Variants in MAML3 observed in about 807,000 individuals in gnomAD.
The protein encoded by MAML3 is mastermind like transcriptional coactivator 3, also known as mastermind-like protein 3.
A neutral mutation model predicts 101.9 loss-of-function variants in MAML3; 27 were observed. The observed-to-expected ratio is 0.27, with a 90% CI of 0.20 to 0.37. The LOEUF (loss-of-function observed/expected upper bound fraction) is 0.37. Among genes scored for constraint, MAML3 ranks in the 10% least tolerant of loss-of-function variants. The pLI, the probability that MAML3 is intolerant of heterozygous loss-of-function variation, is 1.00. For synonymous variants in MAML3, 501 were observed against 555.9 expected (o/e 0.90, Z 1.39); for missense variants, 1,316 against 1,444.9 (o/e 0.91, Z 1.45).
chr4:139,850,107 C>G lies in MAML3; in HGVS notation c.2079+39250G>C, dbSNP rs372333276. Among the ~76,000 whole-genome samples, 17 of 152,184 alleles carry G rather than the reference C, an allele frequency of 1.1e-4. No individual in the cohort carries two copies. In the East Asian group the frequency reaches 2.7e-3, roughly 24 times the overall value. On this transcript the variant is annotated intron_variant, in intron 2 of 4. Coordinates refer to ENST00000509479, the MANE Select transcript of MAML3 (RefSeq NM_018717.5). ...TTATTCAATTCAGTATATTTCCCCC[C>G]CTACACCCTATGTATTTGTAGCCAG...
rs1728865588 is a variant in MAML3, at chr4:140,135,302, A to G, written c.468+17558T>C. 2.0e-5 allele frequency among the ~76,000 whole-genome samples: 3 copies of G among 152,214 alleles called. No homozygotes were observed. The South Asian group carries it at 6.2e-4, about 32-fold the overall frequency. On this transcript the variant is annotated intron_variant, in intron 1 of 4. Coordinates refer to ENST00000509479, the MANE Select transcript of MAML3 (RefSeq NM_018717.5). ...CTCTAGACACTTGCTGATTTTAGCTATTTAAGCCTTAAGAATAAAGATGTC... is the reference window on the plus strand; with the variant it reads ...CTCTAGACACTTGCTGATTTTAGCTGTTTAAGCCTTAAGAATAAAGATGTC...
intron 1 of MAML3, among the ~76,000 whole-genome samples, chr4:139,975,393 T>C (rs932203680): frequency 6.6e-6 from 1 of 152,116 alleles, no homozygotes; most frequent in Non-Finnish European, 1.5e-5. Context: ...GTATCTAAAA[T>C]TGCAGCCTAC....
intron 1 of MAML3, among the ~76,000 whole-genome samples, chr4:140,048,432 G>A (rs939980276): frequency 4.6e-5 from 7 of 152,208 alleles, no homozygotes; most frequent in African/African-American, 1.7e-4. Flanking sequence ...ACTGAAGAAA[G>A]TCTCCTTGTA....
chr4:139,729,770 G>A (rs1579368212), intron 3 of MAML3, among the ~76,000 whole-genome samples: 3 of 152,230 alleles, frequency 2.0e-5, no homozygotes, highest in Admixed American at 6.5e-5. Flanking sequence ...ATTATAGGGC[G>A]AGGGTGGACA....
chr4:140,060,371 A>AAAAAAAAAAAAAAAAAAAAAC, intron 1 of MAML3, among the ~76,000 whole-genome samples: 1 of 145,096 alleles, frequency 6.9e-6, no homozygotes, highest in Non-Finnish European at 1.5e-5. Flanking sequence ...GTCTCAAAAA[A>AAAAAAAAAAAAAAAAAAAAAC]AAAAAAAAAA....
intron 1 of MAML3, among the ~76,000 whole-genome samples, chr4:140,143,298 G>A (rs897650003): frequency 6.6e-6 from 1 of 152,206 alleles, no homozygotes; most frequent in Non-Finnish European, 1.5e-5. Context: ...TTGTGCACGA[G>A]TGAAATAAGC....
At chr4:140,004,696 G>A (rs1392437059) in intron 1 of MAML3, among the ~76,000 whole-genome samples, 1 of 151,912 alleles carries the variant, frequency 6.6e-6, no homozygotes, top group African/African-American at 2.4e-5. Context: ...CAGGAAAAAC[G>A]CAGCGCTCAC....
chr4:140,030,807 G>C (rs1204128321), intron 1 of MAML3, among the ~76,000 whole-genome samples: 1 of 152,180 alleles, frequency 6.6e-6, no homozygotes, highest in East Asian at 1.9e-4. Flanking sequence ...TAACAGAGGA[G>C]ACATTCTAAA....
chr4:139,919,718 A>G (rs532043179), intron 1 of MAML3, among the ~76,000 whole-genome samples: 2 of 152,328 alleles, frequency 1.3e-5, no homozygotes, highest in African/African-American at 2.4e-5. Context: ...GTTCAGCCCT[A>G]GAGGTCTAGT....
rs1728887063 is a variant in MAML3, at chr4:139,735,217, G to A, written c.2080-4550C>T. On this transcript the variant is annotated intron_variant, in intron 2 of 4. Transcript: ENST00000509479. This position sits in a 1 kb window ranked among gnomAD's most constrained non-coding sequence, Gnocchi z 5.8. ...GCACGGCGTGATGGACATCACACAC[G>A]ACAGCCTGAGACAATCCAGGAATTC... Among the ~76,000 whole-genome samples, 1 of 152,240 alleles carries A rather than the reference G, an allele frequency of 6.6e-6. No individual in the cohort carries two copies. The highest frequency in any genetic ancestry group is 1.5e-5 in the Non-Finnish European group (1 of 68,050).
chr4:139,837,781 A>T (rs1363222655), intron 2 of MAML3, among the ~76,000 whole-genome samples: 1 of 151,178 alleles, frequency 6.6e-6, no homozygotes, highest in Non-Finnish European at 1.5e-5. Context: ...TTAGCTGGGC[A>T]TGGTGGCGCA....
At chr4:140,133,689 C>G (rs1201923569) in intron 1 of MAML3, among the ~76,000 whole-genome samples, 1 of 152,148 alleles carries the variant, frequency 6.6e-6, no homozygotes, top group East Asian at 1.9e-4. Flanking sequence ...CCTATTTCTT[C>G]ATCCAACTGG....
At chr4:139,797,654 T>C (rs1730534638) in intron 2 of MAML3, among the ~76,000 whole-genome samples, 1 of 152,070 alleles carries the variant, frequency 6.6e-6, no homozygotes, top group Non-Finnish European at 1.5e-5. Flanking sequence ...ATACTCTGTA[T>C]ATAGAGGTAA....
chr4:139,994,186 C>T (rs1734757438), intron 1 of MAML3, among the ~76,000 whole-genome samples: 1 of 152,168 alleles, frequency 6.6e-6, no homozygotes, highest in Non-Finnish European at 1.5e-5. Flanking sequence ...TGTTTCATTC[C>T]AATCCATGAA....
intron 1 of MAML3, among the ~76,000 whole-genome samples, chr4:140,040,483 C>T (rs1156884687): frequency 1.3e-5 from 2 of 152,210 alleles, no homozygotes; most frequent in Non-Finnish European, 2.9e-5. Flanking sequence ...TCTCCCTCTC[C>T]TACACAACGT....
At chr4:139,969,247 T>C (rs1171351511) in intron 1 of MAML3, among the ~76,000 whole-genome samples, 1 of 151,102 alleles carries the variant, frequency 6.6e-6, no homozygotes, top group Non-Finnish European at 1.5e-5. Context: ...CCAGGATTTG[T>C]AGCACACTCC....
intron 2 of MAML3, among the ~76,000 whole-genome samples, chr4:139,851,445 G>T (rs149393959): frequency 5.9e-5 from 9 of 152,372 alleles, no homozygotes; most frequent in African/African-American, 2.2e-4. Flanking sequence ...CTGGAGCTTG[G>T]AGAGAAATTT....
At chr4:140,050,104 A>G (rs1727243374) in intron 1 of MAML3, among the ~76,000 whole-genome samples, 2 of 152,178 alleles carry the variant, frequency 1.3e-5, no homozygotes, top group African/African-American at 4.8e-5. Context: ...CACTGCCTGA[A>G]TATAACAGGG....
chr4:139,734,324 C>A (rs761030002), intron 2 of MAML3, among the ~76,000 whole-genome samples: 1 of 152,190 alleles, frequency 6.6e-6, no homozygotes, highest in Non-Finnish European at 1.5e-5. Flanking sequence ...TTTCGTCATG[C>A]GAGATGTAAT....
Sources: gnomAD v4.1 joint callset for allele counts (sites outside exome capture counted in the v4.1 genomes callset) on GRCh38, gnomAD v4.1.1 for gene constraint, Gnocchi (gnomAD v3.1) non-coding constraint, MANE v1.5 for transcripts, NCBI Gene and HGNC (gene_info 2026-07-23, HGNC 2026-07-21) for gene names.